Variants in DDR2 observed in about 807,000 individuals in gnomAD.
DDR2 encodes the protein discoidin domain-containing receptor 2.
Under a neutral mutation model 94.9 loss-of-function variants are expected in DDR2, and 27 were observed. The observed-to-expected ratio is 0.28, with a 90% confidence interval of 0.21 to 0.39. The LOEUF is 0.39. Among genes scored for constraint, DDR2 ranks in the 10% least tolerant of loss-of-function variants. The pLI is 1.00. For missense variants in DDR2, 783 were observed against 1,076.0 expected (o/e 0.73, Z 3.81); for synonymous variants, 382 against 377.2 (o/e 1.01, Z -0.15).
chr1:162,681,996 T>C (rs1238969513), intron 2 of DDR2, among the ~76,000 whole-genome samples: 3 of 152,176 alleles, frequency 2.0e-5, no homozygotes, highest in Non-Finnish European at 2.9e-5. Context: ...AACATTTAGG[T>C]GACTCCCACC....
rs114954576 is a variant in DDR2, at chr1:162,652,922, A to G, written c.-191-2289A>G. 3.6e-3 allele frequency among the ~76,000 whole-genome samples: 541 copies of G among 150,990 alleles called. 1 individual carries two copies. The highest frequency in any genetic ancestry group is 0.013 in the African/African-American group (517 of 41,140). The stretch of plus-strand genomic sequence containing the variant: ...GAGTTAGAGATCAGCCTGGGCTACA[A>G]TGGCAAAACCTTGTCTGTACAAAAA... On this transcript the variant is annotated intron_variant, in intron 1 of 17. Coordinates refer to ENST00000367921, the MANE Select transcript of DDR2 (RefSeq NM_006182.4).
chr1:162,640,624 ATATAGT>A (rs1657083525), intron 1 of DDR2, among the ~76,000 whole-genome samples: 1 of 152,174 alleles, frequency 6.6e-6, no homozygotes, highest in Non-Finnish European at 1.5e-5. Flanking sequence ...AGTCATTGTA[ATATAGT>A]TATAATCATG....
chr1:162,687,921 G>T (rs1005548366), intron 2 of DDR2, among the ~76,000 whole-genome samples: 1 of 152,186 alleles, frequency 6.6e-6, no homozygotes, highest in Non-Finnish European at 1.5e-5. Flanking sequence ...CAGAGAAGCA[G>T]GACACCATGT....
chr1:162,731,939 C>T (rs1229758432), intron 3 of DDR2, among the ~76,000 whole-genome samples: 6 of 152,130 alleles, frequency 3.9e-5, no homozygotes, highest in African/African-American at 9.7e-5. Flanking sequence ...GCATAGCTAC[C>T]CAGTTTCCTC....
intron 11 of DDR2, among the ~76,000 whole-genome samples, chr1:162,769,322 G>A (rs1192233224): frequency 1.3e-5 from 2 of 152,202 alleles, no homozygotes; most frequent in East Asian, 1.9e-4. Context: ...AAAATTTTAT[G>A]TGGAAAATCA....
chr1:162,673,608 T>TGTGAGA (rs35122244), intron 2 of DDR2, among the ~76,000 whole-genome samples: 5 of 117,244 alleles, frequency 4.3e-5, no homozygotes, highest in Admixed American at 2.6e-4. Flanking sequence ...TGTGTGTGTG[T>TGTGAGA]GAGAGAGAGA....
intron 2 of DDR2, among the ~76,000 whole-genome samples, chr1:162,696,641 A>G (rs1660206505): frequency 6.6e-6 from 1 of 151,374 alleles, no homozygotes; most frequent in Non-Finnish European, 1.5e-5. Context: ...CCAGCACCTC[A>G]CCAATCCCCA....
chr1:162,737,063 T>A (rs916884258), intron 3 of DDR2, among the ~76,000 whole-genome samples: 1 of 152,134 alleles, frequency 6.6e-6, no homozygotes, highest in African/African-American at 2.4e-5. Context: ...TGTACCACAT[T>A]TTCTTTTCTT....
intron 3 of DDR2, among the ~76,000 whole-genome samples, chr1:162,729,300 A>ATATATTTTTTTTTTTTT (rs1416872679): frequency 6.4e-5 from 6 of 94,002 alleles, no homozygotes; most frequent in African/African-American, 3.2e-4. Flanking sequence ...ATATATATAT[A>ATATATTTTTTTTTTTTT]TTTTTTTTTT....
At chr1:162,701,881 C>G (rs1660446905) in intron 2 of DDR2, among the ~76,000 whole-genome samples, 1 of 152,134 alleles carries the variant, frequency 6.6e-6, no homozygotes, top group South Asian at 2.1e-4. Context: ...ATTTGAAGAC[C>G]AACATTAAGT....
At chr1:162,750,467 A>G (rs1360124045) in intron 3 of DDR2, among the ~76,000 whole-genome samples, 2 of 152,206 alleles carry the variant, frequency 1.3e-5, no homozygotes, top group Non-Finnish European at 2.9e-5. Context: ...AAGGAGAACT[A>G]CAAACCACTG....
intron 3 of DDR2, among the ~76,000 whole-genome samples, chr1:162,745,901 G>A (rs184725272): frequency 5.3e-5 from 8 of 152,186 alleles, no homozygotes; most frequent in East Asian, 3.9e-4. Context: ...TTGTGAATCC[G>A]TTTCAATTGT....
intron 3 of DDR2, among the ~76,000 whole-genome samples, chr1:162,719,656 A>G (rs1284917203): frequency 6.6e-6 from 1 of 152,180 alleles, no homozygotes; most frequent in African/African-American, 2.4e-5. Context: ...TTGAGCCCAA[A>G]TTTGTGGGAT....
chr1:162,700,408 C>G (rs1660377928), intron 2 of DDR2, among the ~76,000 whole-genome samples: 2 of 152,138 alleles, frequency 1.3e-5, no homozygotes, highest in South Asian at 2.1e-4. Context: ...TTTCAGGGAG[C>G]TAGGTCAAGG....
intron 3 of DDR2, among the ~76,000 whole-genome samples, chr1:162,729,302 T>TATATATATATATAGA (rs67580875): frequency 1.3e-5 from 1 of 78,974 alleles, no homozygotes; most frequent in African/African-American, 8.6e-5. Context: ...ATATATATAT[T>TATATATATATATAGA]TTTTTTTTTT....
intron 7 of DDR2, among the ~76,000 whole-genome samples, chr1:162,759,535 T>G (rs1395913908): frequency 6.6e-6 from 1 of 152,212 alleles, no homozygotes; most frequent in Non-Finnish European, 1.5e-5. Context: ...AAATAAGACA[T>G]TGTTTAAAAG....
intron 3 of DDR2, chr1:162,741,470 T>C (rs1360570977): frequency 2.0e-6 from 1 of 488,790 alleles, no homozygotes; most frequent in African/African-American, 2.1e-5. Context: ...TGTATATATT[T>C]TGAGAGTAAT....
rs182899187 is a variant in DDR2 at position 162,635,330 on chromosome 1, G to A, written c.-192+2699G>A. 7.9e-5 allele frequency among the ~76,000 whole-genome samples: 12 copies of A among 152,096 alleles called. No homozygotes were observed. The East Asian group carries it at 2.1e-3, about 27-fold the overall frequency. ...GAGCGGCCACCCCCCATACATTCATGTCACACCATTTTCAATTCGCATGAG... is the reference window on the plus strand; with the variant it reads ...GAGCGGCCACCCCCCATACATTCATATCACACCATTTTCAATTCGCATGAG... On this transcript the variant is annotated intron_variant, in intron 1 of 17. Coordinates refer to ENST00000367921, the MANE Select transcript of DDR2 (RefSeq NM_006182.4).
intron 9 of DDR2, 106 bp from the exon 10 acceptor site, chr1:162,765,895 A>G (rs1663966780): frequency 1.2e-5 from 12 of 963,238 alleles, no homozygotes; most frequent in Middle Eastern, 2.1e-4. Context: ...ACTGATGACA[A>G]CTCACTAAAT....
Sources: gnomAD v4.1 joint callset for allele counts (sites outside exome capture counted in the v4.1 genomes callset) on GRCh38, gnomAD v4.1.1 for gene constraint, MANE v1.5 for transcripts, NCBI Gene and HGNC (gene_info 2026-07-23, HGNC 2026-07-21) for gene names.